Variants in MAML3 observed in about 807,000 individuals in gnomAD.
MAML3 encodes mastermind like transcriptional coactivator 3.
Under a neutral mutation model 101.9 loss-of-function variants are expected in MAML3, and 27 were observed. The ratio of observed to expected loss-of-function variants is 0.27; its 90% CI spans 0.20 to 0.37. MAML3 has a LOEUF of 0.37. MAML3 is among the 10% of genes least tolerant of loss of function. MAML3 has a pLI of 1.00. For synonymous variants in MAML3, 501 were observed against 555.9 expected (o/e 0.90, Z 1.39); for missense variants, 1,316 against 1,444.9 (o/e 0.91, Z 1.45).
chr4:140,026,809 C>T (rs1726833606), intron 1 of MAML3, among the ~76,000 whole-genome samples: 1 of 152,146 alleles, frequency 6.6e-6, no homozygotes, highest in African/African-American at 2.4e-5. Flanking sequence ...TCCGCATAAA[C>T]ACCCATTAGT....
chr4:140,011,127 A>ATATATATATACACATATGTCATATATATT (rs1481395110), intron 1 of MAML3, among the ~76,000 whole-genome samples: 1 of 88,338 alleles, frequency 1.1e-5, no homozygotes, highest in Non-Finnish European at 2.2e-5. Context: ...GTGTGTATAT[A>ATATATATATACACATATGTCATATATATT]TATATATATA....
At chr4:139,987,856 C>T (rs1437930260) in intron 1 of MAML3, among the ~76,000 whole-genome samples, 1 of 151,082 alleles carries the variant, frequency 6.6e-6, no homozygotes, top group African/African-American at 2.4e-5. Flanking sequence ...CTTGTCTGTA[C>T]TAAAAATACA....
chr4:139,737,756 T>G (rs1228060613), intron 2 of MAML3, among the ~76,000 whole-genome samples: 1 of 152,206 alleles, frequency 6.6e-6, no homozygotes, highest in African/African-American at 2.4e-5. Context: ...CAAACTTTCT[T>G]TTTCCAGAAA....
intron 1 of MAML3, among the ~76,000 whole-genome samples, chr4:140,127,541 T>C (rs1047542228): frequency 1.3e-5 from 2 of 152,182 alleles, no homozygotes; most frequent in East Asian, 1.9e-4. Context: ...CTCTTCCATC[T>C]AACAAGCACC....
intron 1 of MAML3, among the ~76,000 whole-genome samples, chr4:140,101,381 A>G (rs1728249868): frequency 6.6e-6 from 1 of 152,182 alleles, no homozygotes; most frequent in Non-Finnish European, 1.5e-5. Context: ...TGAAGGGATG[A>G]GAAACTCACC....
chr4:140,101,209 G>A (rs542308785), intron 1 of MAML3, among the ~76,000 whole-genome samples: 6 of 152,188 alleles, frequency 3.9e-5, no homozygotes, highest in Non-Finnish European at 5.9e-5. Flanking sequence ...TGTTTAAGCC[G>A]TCAAGTTTTG....
intron 1 of MAML3, among the ~76,000 whole-genome samples, chr4:140,089,037 C>T (rs1166850436): frequency 6.6e-6 from 1 of 151,890 alleles, no homozygotes; most frequent in Non-Finnish European, 1.5e-5. Flanking sequence ...AAGGAAGATA[C>T]TAATACTCAA....
At position 140,007,663 on chromosome 4, in the gene MAML3, T is replaced by G. The variant is rs145495635; in HGVS notation, c.469-116696A>C. Reference sequence around the variant, plus strand: ...GTTATATTCCAAAGCCACCAGCCATTGGATGGCCTGGAAATGGGAAAGCCA... The same window carrying G: ...GTTATATTCCAAAGCCACCAGCCATGGGATGGCCTGGAAATGGGAAAGCCA... On this transcript the variant is annotated intron_variant, in intron 1 of 4. Transcript: ENST00000509479. Among the ~76,000 whole-genome samples, 714 of 152,310 alleles carry G rather than the reference T, an allele frequency of 4.7e-3. 3 individuals carry two copies. Among genetic ancestry groups the G allele is most frequent in the Middle Eastern group, 0.014 (4 of 294 alleles).
At chr4:140,052,389 C>T (rs1000180793) in intron 1 of MAML3, among the ~76,000 whole-genome samples, 3 of 152,266 alleles carry the variant, frequency 2.0e-5, no homozygotes, top group South Asian at 2.1e-4. Flanking sequence ...GCAGAACACA[C>T]CTGAACACAC....
intron 2 of MAML3, among the ~76,000 whole-genome samples, chr4:139,844,183 G>A (rs1480243350): frequency 1.3e-5 from 2 of 152,170 alleles, no homozygotes; most frequent in East Asian, 1.9e-4. Flanking sequence ...GGCTGTAAGC[G>A]AAACACCTTC....
chr4:140,025,110 T>A (rs1478371424), intron 1 of MAML3, among the ~76,000 whole-genome samples: 1 of 152,184 alleles, frequency 6.6e-6, no homozygotes. Context: ...ACAACCAATG[T>A]AATGTGTGGA....
At chr4:139,940,185 T>TA (rs1341916875) in intron 1 of MAML3, among the ~76,000 whole-genome samples, 3 of 152,204 alleles carry the variant, frequency 2.0e-5, no homozygotes, top group Non-Finnish European at 4.4e-5. Flanking sequence ...GGTGTATCCT[T>TA]ACAGTCTTCC....
Position 139,890,148 on chromosome 4 carries a change from C to T in MAML3, c.1288G>A (p.Ala430Thr), listed in dbSNP as rs1180154403. Residue 430 changes from alanine to threonine, a missense_variant, in exon 2 of 5, where the codon GCT (alanine) becomes ACT (threonine). Physicochemically the swap from Ala to Thr is moderately conservative, Grantham distance 58 (BLOSUM62 0). Transcript: ENST00000509479. The surrounding 1 kb of genome is among the most constrained non-coding windows in gnomAD (Gnocchi z 4.1). ...TAACCATTTCCAGGCCGAGGTGGAG[C>T]TTGGCCTGGAGTGTGGGCTTGGTTT... is the stretch of plus-strand genomic sequence containing the variant. The part of the protein sequence containing the change: ...TPNQAHTPGQ[A>T]PPRPGNGYLL... 3 of 1,613,692 alleles carry T rather than the reference C, an allele frequency of 1.9e-6. No individual in the cohort carries two copies. In the South Asian group the frequency reaches 3.3e-5, roughly 18 times the overall value.
chr4:140,114,665 C>T (rs984891124), intron 1 of MAML3, among the ~76,000 whole-genome samples: 9 of 152,156 alleles, frequency 5.9e-5, no homozygotes, highest in South Asian at 2.1e-4. Context: ...AACATACAAG[C>T]GTTGCCAGAA....
At chr4:139,834,404 G>A (rs1044917335) in intron 2 of MAML3, among the ~76,000 whole-genome samples, 3 of 152,224 alleles carry the variant, frequency 2.0e-5, no homozygotes, top group African/African-American at 7.2e-5. Context: ...CCAGCCACTA[G>A]GCAGTTTAGT....
rs1172526830 is a variant in MAML3, at chr4:140,017,971, G to A, written c.469-127004C>T. On this transcript the variant is annotated intron_variant, in intron 1 of 4. Coordinates refer to ENST00000509479, the MANE Select transcript of MAML3 (RefSeq NM_018717.5). ...TGTGTCTGTATCATGCCTTACAACT[G>A]CATGTGAATCTAGTTATCTCAAAAT... Among the ~76,000 whole-genome samples, 8 of 151,734 alleles carry A rather than the reference G, an allele frequency of 5.3e-5. No individual in the cohort carries two copies. In the East Asian group the frequency reaches 1.5e-3, roughly 29 times the overall value.
intron 1 of MAML3, among the ~76,000 whole-genome samples, chr4:140,037,889 C>G (rs116599759): frequency 0.026 from 3,941 of 152,324 alleles, 164 homozygotes; most frequent in African/African-American, 0.089. Context: ...GTATGGGGCT[C>G]TCTTTGTGGT....
intron 1 of MAML3, among the ~76,000 whole-genome samples, chr4:140,008,558 G>T (rs186519136): frequency 1.1e-4 from 17 of 152,112 alleles, no homozygotes; most frequent in African/African-American, 3.9e-4. Flanking sequence ...CTGTGAGCTG[G>T]TAAGAGATGA....
In MAML3 at chr4:139,890,131, T is replaced by C; in HGVS notation, c.1305A>G (p.Gly435=). The change falls in exon 2 of 5, where the codon GGA becomes GGG. Residue 435 remains glycine (G), a synonymous_variant. Coordinates refer to ENST00000509479, the MANE Select transcript of MAML3 (RefSeq NM_018717.5). This position sits in a 1 kb window ranked among gnomAD's most constrained non-coding sequence, Gnocchi z 4.1. Reference sequence around the variant, plus strand: ...CTGCCGGATTCAGGAGATAACCATTTCCAGGCCGAGGTGGAGCTTGGCCTG... The same window carrying C: ...CTGCCGGATTCAGGAGATAACCATTCCCAGGCCGAGGTGGAGCTTGGCCTG... ...HTPGQAPPRP[G]NGYLLNPAAV... is the part of the protein sequence containing the mutation. 6.2e-7 allele frequency: 1 copy of C among 1,613,828 alleles called. No homozygotes were observed. The highest frequency in any genetic ancestry group is 1.7e-5 in the Admixed American group (1 of 60,024).
Sources: gnomAD v4.1 joint callset for allele counts (sites outside exome capture counted in the v4.1 genomes callset) on GRCh38, gnomAD v4.1.1 for gene constraint, Gnocchi (gnomAD v3.1) non-coding constraint, MANE v1.5 for transcripts, NCBI Gene and HGNC (gene_info 2026-07-23, HGNC 2026-07-21) for gene names.